The following TMPRSS4 variants were observed in gnomAD, a reference collection of about 807,000 sequenced individuals.
The protein encoded by TMPRSS4 is transmembrane protease serine 4.
Under a neutral mutation model 56.4 loss-of-function variants are expected in TMPRSS4, and 45 were observed. The observed-to-expected ratio is 0.80, with a 90% CI of 0.63 to 1.02. TMPRSS4 has a LOEUF of 1.02. TMPRSS4 is among the 50% of genes least tolerant of loss of function. The pLI is 0.00. For synonymous variants in TMPRSS4, 205 were observed against 211.0 expected (o/e 0.97, Z 0.25); for missense variants, 546 against 556.7 (o/e 0.98, Z 0.19).
In TMPRSS4 at chr11:118,119,443, G is replaced by T; in HGVS notation, c.*1530G>T. On this transcript the variant is annotated 3_prime_UTR_variant, in exon 13 of 13. Transcript: ENST00000437212. ...GAGCTCACAATCAAAGATCAGAGAC[G>T]TTGAAAAATAAAAAACACCTTAAGT... 1 of 871,322 alleles carries T rather than the reference G, an allele frequency of 1.1e-6. No individual in the cohort carries two copies. Among genetic ancestry groups the T allele is most frequent in the Non-Finnish European group, 1.4e-6 (1 of 726,220 alleles). The allele number at this position is 871,322 out of a possible 1,614,324, so 54.0% of individuals were successfully genotyped here. A position where few individuals can be genotyped will look rare whatever the true frequency, so the allele number is the denominator to read the frequency against.
rs115769050 is a variant in TMPRSS4, at chr11:118,116,243, C to T, written c.1152+963C>T. Among the ~76,000 whole-genome samples the T allele has an allele frequency of 8.3e-3, 1,260 of 152,248 alleles. 23 individuals are homozygous for T. Among genetic ancestry groups the T allele is most frequent in the African/African-American group, 0.028 (1,146 of 41,552 alleles). On this transcript the variant is annotated intron_variant, in intron 11 of 12. Transcript: ENST00000437212. The stretch of plus-strand genomic sequence containing the variant: ...TGCTGGGATTACAGGCATGAGCCAT[C>T]GTGCTTGGCCTGAACCATTTTCATT...
intron 1 of TMPRSS4, among the ~76,000 whole-genome samples, chr11:118,091,560 C>T (rs17528237): frequency 0.28 from 42,236 of 151,934 alleles, 6,414 homozygotes; most frequent in Middle Eastern, 0.35. Context: ...TGGGGACAGA[C>T]CCTCGGCTGT....
chr11:118,093,413 G>A (rs1424258910), intron 1 of TMPRSS4, among the ~76,000 whole-genome samples: 1 of 152,202 alleles, frequency 6.6e-6, no homozygotes, highest in Non-Finnish European at 1.5e-5. Context: ...GTCCCTGGGT[G>A]GAGACCTAGA....
chr11:118,096,953 AGGAAAGAAAGAAAG>A (rs1277752262), intron 2 of TMPRSS4, among the ~76,000 whole-genome samples: 4 of 93,868 alleles, frequency 4.3e-5, no homozygotes, highest in Admixed American at 1.2e-4. Context: ...AAAGAAAGGA[AGGAAAGAAAGAAAG>A]GAAAGAAAGA....
chr11:118,099,499 A>AAGAAAGAAAGAAAGAAAGAAAGACAGAC (rs1555085874), intron 3 of TMPRSS4, among the ~76,000 whole-genome samples: 1 of 151,686 alleles, frequency 6.6e-6, no homozygotes, highest in Admixed American at 6.6e-5. Flanking sequence ...GAAAGAAAGA[A>AAGAAAGAAAGAAAGAAAGAAAGACAGAC]AGACATGTAT....
chr11:118,097,118 T>C (rs778212027), intron 2 of TMPRSS4, among the ~76,000 whole-genome samples: 3 of 151,448 alleles, frequency 2.0e-5, no homozygotes, highest in Non-Finnish European at 2.9e-5. Context: ...ACAATTCATC[T>C]GTTCAGGTGA....
chr11:118,078,930 T>C (rs746288659), intron 1 of TMPRSS4, among the ~76,000 whole-genome samples: 1 of 152,106 alleles, frequency 6.6e-6, no homozygotes, highest in African/African-American at 2.4e-5. Flanking sequence ...CTGGAAACCA[T>C]GAAGCCCCGC....
Position 118,118,083 on chromosome 11 carries a change from C to A in TMPRSS4, c.*170C>A, listed in dbSNP as rs1014368891. The A allele has an allele frequency of 5.5e-6, 8 of 1,463,474 alleles. No individual in the cohort carries two copies. The highest frequency in any genetic ancestry group is 7.2e-6 in the Non-Finnish European group (8 of 1,113,840). The allele number at this position is 1,463,474 out of a possible 1,614,324, so 90.7% of individuals were successfully genotyped here. ...CCTCAATTCCTATAAGAGACCCTCG[C>A]AGCCCAGAGGCGCCCAGAGGAAGTC... On this transcript the variant is annotated 3_prime_UTR_variant, in exon 13 of 13. Transcript: ENST00000437212.
chr11:118,109,040 C>T, intron 7 of TMPRSS4, 144 bp downstream of exon 7: 1 of 810,246 alleles, frequency 1.2e-6, no homozygotes, highest in Non-Finnish European at 2.0e-6. Context: ...GGTCAATGCC[C>T]CCTCGAGTTG....
At chr11:118,079,648 G>A (rs927175673) in intron 1 of TMPRSS4, among the ~76,000 whole-genome samples, 13 of 152,196 alleles carry the variant, frequency 8.5e-5, no homozygotes, top group African/African-American at 2.9e-4. Context: ...ACCCCCTGAC[G>A]CTTCCGGCTG....
At chr11:118,084,934 C>A (rs896408334) in intron 1 of TMPRSS4, among the ~76,000 whole-genome samples, 65 of 152,166 alleles carry the variant, frequency 4.3e-4, no homozygotes, top group African/African-American at 1.5e-3. Context: ...GGGACAACCC[C>A]CTTCTGATCA....
chr11:118,078,390 AG>A (rs934018539), intron 1 of TMPRSS4, among the ~76,000 whole-genome samples: 1 of 152,210 alleles, frequency 6.6e-6, no homozygotes, highest in Non-Finnish European at 1.5e-5. Context: ...TGTGACCTGC[AG>A]GGGCCCCTCG....
intron 1 of TMPRSS4, 152 bp downstream of exon 1, chr11:118,077,457 G>C (rs998191133): frequency 3.3e-5 from 30 of 913,240 alleles, no homozygotes; most frequent in Non-Finnish European, 4.7e-5. Context: ...TCACACCCCA[G>C]CCCGGTACAC....
rs371337069 is a variant in TMPRSS4 at position 118,104,852 on chromosome 11, T to C, written c.440+32T>C. On this transcript the variant is annotated intron_variant, in intron 5 of 12. Coordinates refer to ENST00000437212, the MANE Select transcript of TMPRSS4 (RefSeq NM_019894.4). ...AACCTGGGCCTCTCTCCTTTTTCCC[T>C]CCTTCCTCCTTCCTCCTCTTCCTCC... is the stretch of plus-strand genomic sequence containing the variant. The C allele has an allele frequency of 3.3e-6, 5 of 1,515,518 alleles. No homozygotes were observed. The African/African-American group carries it at 7.1e-5, about 21-fold the overall frequency. The allele number at this position is 1,515,518 out of a possible 1,614,324, so 93.9% of individuals were successfully genotyped here. A position where few individuals can be genotyped will look rare whatever the true frequency, so the allele number is the denominator to read the frequency against.
At chr11:118,124,853 C>T (rs1025868091), downstream of TMPRSS4, among the ~76,000 whole-genome samples, 1 of 152,210 alleles carries the variant, frequency 6.6e-6, no homozygotes. Flanking sequence ...ACGTGAGCAC[C>T]AGGCCTAGCT....
downstream of TMPRSS4, among the ~76,000 whole-genome samples, chr11:118,123,173 C>T (rs781228420): frequency 6.5e-4 from 99 of 152,152 alleles, 2 homozygotes; most frequent in Non-Finnish European, 5.9e-5. Context: ...TATCATCCCA[C>T]GGATCCCTTG....
At chr11:118,112,219 C>G (rs963451720) in intron 8 of TMPRSS4, among the ~76,000 whole-genome samples, 2 of 152,022 alleles carry the variant, frequency 1.3e-5, no homozygotes, top group African/African-American at 4.8e-5. Context: ...AACTCACTCT[C>G]TTTTTGCTTG....
intron 10 of TMPRSS4, 31 bp downstream of exon 10, chr11:118,114,958 G>A: frequency 6.4e-7 from 1 of 1,570,838 alleles, no homozygotes; most frequent in Middle Eastern, 1.8e-4. Context: ...CACAGGGCAG[G>A]AGATGCCCTT....
At position 118,077,282 on chromosome 11, in the gene TMPRSS4, C is replaced by T. The variant is rs369300394; in HGVS notation, c.-21C>T. On this transcript the variant is annotated 5_prime_UTR_variant, in exon 1 of 13. Coordinates refer to ENST00000437212, the MANE Select transcript of TMPRSS4 (RefSeq NM_019894.4). ...TCTCAGCTCCAGGCTACAGGGAGAC[C>T]GGGAGGATCACAGAGCCAGCATGGT... 10 of 1,600,310 alleles carry T rather than the reference C, an allele frequency of 6.2e-6. No individual in the cohort carries two copies. Among genetic ancestry groups the T allele is most frequent in the African/African-American group, 2.7e-5 (2 of 74,586 alleles).
Sources: allele counts gnomAD v4.1 joint callset (sites outside exome capture counted in the v4.1 genomes callset), GRCh38; gene constraint gnomAD v4.1.1; transcripts MANE v1.5; gene names NCBI Gene and HGNC (gene_info 2026-07-23, HGNC 2026-07-21).